Variants in DLGAP2 observed in about 807,000 individuals in gnomAD.
DLGAP2 encodes disks large-associated protein 2.
Under a neutral mutation model 100.3 loss-of-function variants are expected in DLGAP2, and 26 were observed. That is an observed-to-expected ratio of 0.26 (90% CI 0.19 to 0.36). DLGAP2 has a LOEUF of 0.36. Ranked by LOEUF, DLGAP2 falls within the 10% of genes least tolerant of loss-of-function variation. The pLI is 1.00. For synonymous variants in DLGAP2, 886 were observed against 630.1 expected (o/e 1.41, Z -6.08); for missense variants, 1,858 against 1,453.2 (o/e 1.28, Z -4.53).
chr8:1,293,285 G>A (rs189198747), intron 3 of DLGAP2, among the ~76,000 whole-genome samples: 1 of 152,322 alleles, frequency 6.6e-6, no homozygotes, highest in Admixed American at 6.5e-5. Flanking sequence ...CTCAGGAGTG[G>A]AGCATGGCCC....
intron 2 of DLGAP2, among the ~76,000 whole-genome samples, chr8:1,163,661 C>T (rs1015647276): frequency 2.0e-5 from 3 of 152,170 alleles, no homozygotes; most frequent in African/African-American, 7.2e-5. Context: ...CTGGGGAGGG[C>T]CGGGGATCGA....
At chr8:1,127,111 C>T (rs113842183) in intron 2 of DLGAP2, among the ~76,000 whole-genome samples, 2,084 of 148,148 alleles carry the variant, frequency 0.014, 51 homozygotes, top group African/African-American at 0.049. Context: ...AGCTCTTAAA[C>T]GGTCCTTCTG....
chr8:1,346,594 C>G (rs894960772), intron 3 of DLGAP2, among the ~76,000 whole-genome samples: 6 of 150,470 alleles, frequency 4.0e-5, no homozygotes, highest in Non-Finnish European at 1.5e-5. Flanking sequence ...ATCTGCATTG[C>G]TCTCATGGTA....
At chr8:1,292,729 T>C (rs910227983) in intron 3 of DLGAP2, among the ~76,000 whole-genome samples, 3 of 152,028 alleles carry the variant, frequency 2.0e-5, no homozygotes, top group African/African-American at 7.2e-5. Context: ...GACCCAGGAA[T>C]TATTTGGAGC....
chr8:883,720 G>A (rs1380665317), intron 1 of DLGAP2, among the ~76,000 whole-genome samples: 1 of 152,036 alleles, frequency 6.6e-6, no homozygotes, highest in Non-Finnish European at 1.5e-5. Flanking sequence ...GCGGCCGTTC[G>A]TTACGTAGGA....
chr8:1,203,450 A>G (rs972950980), intron 2 of DLGAP2, among the ~76,000 whole-genome samples: 1 of 152,124 alleles, frequency 6.6e-6, no homozygotes, highest in Non-Finnish European at 1.5e-5. Context: ...GAAGCTTCAC[A>G]GAAAGGAGGC....
At chr8:1,684,299 A>G (rs949187544) in intron 12 of DLGAP2, among the ~76,000 whole-genome samples, 7 of 152,012 alleles carry the variant, frequency 4.6e-5, no homozygotes, top group African/African-American at 1.5e-4. Flanking sequence ...AACACTTGTT[A>G]TGCCCCTCAT....
chr8:1,454,839 A>G (rs1051970574), intron 3 of DLGAP2, among the ~76,000 whole-genome samples: 1 of 152,110 alleles, frequency 6.6e-6, no homozygotes, highest in Non-Finnish European at 1.5e-5. Context: ...CCCCATCAGG[A>G]TGATGGAAGG....
At chr8:1,476,158 C>G (rs1042546611) in intron 3 of DLGAP2, among the ~76,000 whole-genome samples, 2 of 152,212 alleles carry the variant, frequency 1.3e-5, no homozygotes, top group African/African-American at 4.8e-5. Context: ...CCTGCTTTGA[C>G]TCCCACCGAC....
intron 2 of DLGAP2, among the ~76,000 whole-genome samples, chr8:1,096,807 G>C (rs1804387884): frequency 6.9e-6 from 1 of 145,482 alleles, no homozygotes; most frequent in Non-Finnish European, 1.5e-5. Context: ...TCCAGTGTGA[G>C]ACCCAGCTCC....
Position 1,565,706 on chromosome 8 carries a change from G to T in DLGAP2, c.1254G>T (p.Gly418=), listed in dbSNP as rs776735846. ...YLQVPQDEWG[G]YPTGGKDEEI... ...AGGTACCTCAGGATGAGTGGGGAGG[G>T]TACCCCACCGGTGGCAAAGATGAGG... Residue 418 remains glycine, a synonymous_variant, in exon 6 of 15, where the codon GGG becomes GGT. Coordinates refer to ENST00000637795, the MANE Select transcript of DLGAP2 (RefSeq NM_001346810.2). 2.5e-6 allele frequency: 4 copies of T among 1,613,094 alleles called. No individual in the cohort carries two copies. Among genetic ancestry groups the T allele is most frequent in the East Asian group, 4.5e-5 (2 of 44,838 alleles).
chr8:958,582 CAAAAAAAAAAA>C (rs1207044026), intron 2 of DLGAP2, among the ~76,000 whole-genome samples: 1 of 85,740 alleles, frequency 1.2e-5, no homozygotes, highest in South Asian at 3.8e-4. Flanking sequence ...ACTAGACCTC[CAAAAAAAAAAA>C]AAAAAAAAAA....
chr8:1,670,652 G>A (rs1376266578), intron 10 of DLGAP2, among the ~76,000 whole-genome samples: 4 of 152,204 alleles, frequency 2.6e-5, no homozygotes, highest in Non-Finnish European at 5.9e-5. Flanking sequence ...AGACAGGAAT[G>A]TAGGTGGATG....
chr8:1,530,781 C>T (rs1800964010), intron 4 of DLGAP2, among the ~76,000 whole-genome samples: 1 of 152,220 alleles, frequency 6.6e-6, no homozygotes, highest in South Asian at 2.1e-4. Flanking sequence ...TGACTTCCTG[C>T]AACAGACACT....
chr8:1,638,762 T>C (rs1797829122), intron 8 of DLGAP2, among the ~76,000 whole-genome samples: 1 of 152,098 alleles, frequency 6.6e-6, no homozygotes, highest in Admixed American at 6.5e-5. Context: ...TCTCCAGGAC[T>C]TCATCCAGGA....
chr8:1,647,774 C>A (rs556048610), intron 8 of DLGAP2, among the ~76,000 whole-genome samples: 14 of 152,152 alleles, frequency 9.2e-5, no homozygotes, highest in African/African-American at 3.4e-4. Context: ...AGCGTCATAG[C>A]CTGCCTGGCT....
At chr8:1,334,425 A>C (rs1801225789) in intron 3 of DLGAP2, among the ~76,000 whole-genome samples, 1 of 152,158 alleles carries the variant, frequency 6.6e-6, no homozygotes, top group Admixed American at 6.5e-5. Context: ...GAGTCGGTGA[A>C]TTTTCTGTAA....
chr8:1,177,845 G>A (rs985212185), intron 2 of DLGAP2, among the ~76,000 whole-genome samples: 12 of 152,068 alleles, frequency 7.9e-5, no homozygotes, highest in African/African-American at 2.9e-4. Flanking sequence ...ATCTCCCAAG[G>A]GCCCCACCTC....
chr8:1,657,243 T>C (rs1798305243), intron 8 of DLGAP2, among the ~76,000 whole-genome samples: 1 of 152,244 alleles, frequency 6.6e-6, no homozygotes, highest in Non-Finnish European at 1.5e-5. Context: ...TCTTGATTCA[T>C]CTTCTTTTTA....
Sources: gnomAD v4.1 joint callset for allele counts (sites outside exome capture counted in the v4.1 genomes callset) on GRCh38, gnomAD v4.1.1 for gene constraint, MANE v1.5 for transcripts, NCBI Gene and HGNC (gene_info 2026-07-23, HGNC 2026-07-21) for gene names.